Variants in ATRX observed in about 807,000 individuals in gnomAD.
ATRX encodes the protein ATRX chromatin remodeler, also known as chromatin remodeler ATRX.
ATRX carries 12 observed loss-of-function variants against 172.6 expected under a neutral mutation model. The observed-to-expected ratio is 0.07, with a 90% CI of 0.04 to 0.11. ATRX has a LOEUF of 0.11. Among genes scored for constraint, ATRX ranks in the 10% least tolerant of loss-of-function variants. The pLI is 1.00. For synonymous variants in ATRX, 674 were observed against 594.7 expected (o/e 1.13, Z -1.94); for missense variants, 1,368 against 1,767.4 (o/e 0.77, Z 4.05).
chrX:77,646,212 A>G (rs916226108), intron 15 of ATRX, among the ~76,000 whole-genome samples: 1 of 112,014 alleles, frequency 8.9e-6, no homozygotes, highest in Non-Finnish European at 1.9e-5. Context: ...CTGGTTATCT[A>G]AAAAAGGTTC....
chrX:77,527,308 T>A (rs2063413663), intron 30 of ATRX, among the ~76,000 whole-genome samples: 2 of 111,238 alleles, frequency 1.8e-5, no homozygotes, highest in South Asian at 7.7e-4. Context: ...ATATCCAGGT[T>A]CTCACATTGG....
In ATRX at chrX:77,549,099, C is replaced by A. The variant is rs1033624980; in HGVS notation, c.6699+8352G>T. ...CACTTAAGCATATTATAAAATATAA[C>A]CTTGGCTGCAGGTGGTGACTCATGC... On this transcript the variant is annotated intron_variant, in intron 30 of 34. Coordinates refer to ENST00000373344, the MANE Select transcript of ATRX (RefSeq NM_000489.6). Among the ~76,000 whole-genome samples the A allele has an allele frequency of 3.6e-5, 4 of 111,848 alleles. No individual in the cohort carries two copies. The Admixed American group carries it at 3.8e-4, about 11-fold the overall frequency.
At chrX:77,630,667 G>T (rs1291186154) in intron 19 of ATRX, among the ~76,000 whole-genome samples, 1 of 111,851 alleles carries the variant, frequency 8.9e-6, no homozygotes, top group Non-Finnish European at 1.9e-5. Flanking sequence ...AATGGTGTTA[G>T]AACAACTGGA....
chrX:77,765,944 C>A (rs1277017410), intron 1 of ATRX, among the ~76,000 whole-genome samples: 1 of 109,506 alleles, frequency 9.1e-6, no homozygotes, highest in Non-Finnish European at 1.9e-5. Context: ...ACATCTTGCA[C>A]CGCCCTTAAT....
At chrX:77,632,767 G>T (rs782758947) in intron 19 of ATRX, among the ~76,000 whole-genome samples, 60 of 111,963 alleles carry the variant, frequency 5.4e-4, no homozygotes, top group African/African-American at 1.9e-3. Flanking sequence ...AGGATCAACA[G>T]TATTGAAAAT....
At chrX:77,779,753 C>T (rs1430923955) in intron 1 of ATRX, among the ~76,000 whole-genome samples, 1 of 112,065 alleles carries the variant, frequency 8.9e-6, no homozygotes, top group Non-Finnish European at 1.9e-5. Context: ...TAAAGCATTC[C>T]CCCAAAATAT....
intron 5 of ATRX, among the ~76,000 whole-genome samples, chrX:77,694,169 T>C (rs1216068554): frequency 8.9e-6 from 1 of 111,857 alleles, no homozygotes; most frequent in Non-Finnish European, 1.9e-5. Flanking sequence ...AGGGAGGTAT[T>C]ATGGAGTGAT....
Position 77,649,629 on chromosome X carries a change from T to C in ATRX, c.4557+2485A>G, listed in dbSNP as rs45439494. ...GTGGGACGGACCCAGTGGGAGGTAA[T>C]TGAATCACGGGGGCAGGTCTTTCCT... On this transcript the variant is annotated intron_variant, in intron 15 of 34. Transcript: ENST00000373344. Among the ~76,000 whole-genome samples, 21 of 111,663 alleles carry C rather than the reference T, an allele frequency of 1.9e-4. No individual in the cohort carries two copies. In the East Asian group the frequency reaches 2.3e-3, roughly 12 times the overall value.
At chrX:77,698,996 A>C in intron 2 of ATRX, 1 of 189,085 alleles carries the variant, frequency 5.3e-6, no homozygotes, top group South Asian at 8.5e-5. Flanking sequence ...ATACTGGGAA[A>C]ATAAGAGCAA....
chrX:77,773,298 T>C (rs977932448), intron 1 of ATRX, among the ~76,000 whole-genome samples: 2 of 109,990 alleles, frequency 1.8e-5, no homozygotes, highest in African/African-American at 3.3e-5. Flanking sequence ...ATCGGGGTGG[T>C]TGGTTTTGAA....
intron 28 of ATRX, among the ~76,000 whole-genome samples, chrX:77,567,709 G>A (rs781788901): frequency 1.8e-5 from 2 of 108,572 alleles, no homozygotes; most frequent in African/African-American, 3.3e-5. Context: ...GAACCTCATC[G>A]AAAAACAAAA....
At chrX:77,756,238 G>A (rs2075487625) in intron 1 of ATRX, among the ~76,000 whole-genome samples, 1 of 111,228 alleles carries the variant, frequency 9.0e-6, no homozygotes, top group Non-Finnish European at 1.9e-5. Flanking sequence ...AGACTGCTGT[G>A]TTGGCAATGA....
At position 77,585,223 on chromosome X, in the gene ATRX, A is replaced by G. The variant is rs782250220; in HGVS notation, c.6217+4611T>C. Among the ~76,000 whole-genome samples, 7 of 110,450 alleles carry G rather than the reference A, an allele frequency of 6.3e-5. No homozygotes were observed. In the South Asian group the frequency reaches 2.7e-3, roughly 43 times the overall value. On this transcript the variant is annotated intron_variant, in intron 27 of 34. Transcript: ENST00000373344. ...GGTGGGAACACAAATTAGTAAAACC[A>G]CTATGGAGAACAGTTCAGAGGTTCC...
chrX:77,569,997 A>C (rs781893590), intron 28 of ATRX, among the ~76,000 whole-genome samples: 40 of 111,859 alleles, frequency 3.6e-4, no homozygotes, highest in Admixed American at 7.6e-4. Flanking sequence ...GAATCATTCA[A>C]TGTGATATTA....
At chrX:77,669,758 G>C (rs1309451050) in intron 10 of ATRX, among the ~76,000 whole-genome samples, 1 of 111,197 alleles carries the variant, frequency 9.0e-6, no homozygotes, top group Admixed American at 9.6e-5. Context: ...GAATGTAGTG[G>C]CACAAACACA....
At position 77,753,051 on chromosome X, in the gene ATRX, C is replaced by T. The variant is rs34060427; in HGVS notation, c.20+32931G>A. On this transcript the variant is annotated intron_variant, in intron 1 of 34. Coordinates refer to ENST00000373344, the MANE Select transcript of ATRX (RefSeq NM_000489.6). ...AGTTTCAGAGGGAATGGTACCAGCT[C>T]CTCTTTGTACCTCTGGTATCATTCG... Among the ~76,000 whole-genome samples the T allele has an allele frequency of 7.1e-4, 79 of 111,277 alleles. 2 individuals are homozygous for T. In the South Asian group the frequency reaches 0.026, roughly 37 times the overall value.
intron 2 of ATRX, among the ~76,000 whole-genome samples, chrX:77,713,876 A>G (rs782285619): frequency 8.9e-6 from 1 of 111,888 alleles, no homozygotes; most frequent in South Asian, 3.7e-4. Context: ...ATGTGATGAC[A>G]TATCACTCCC....
In ATRX at chrX:77,508,646, G is replaced by C; in HGVS notation, c.7201-17C>G. 1 of 1,210,626 alleles carries C rather than the reference G, an allele frequency of 8.3e-7. No individual in the cohort carries two copies. The highest frequency in any genetic ancestry group is 1.1e-6 in the Non-Finnish European group (1 of 894,864). On this transcript the variant is annotated splice_polypyrimidine_tract_variant and intron_variant, in intron 34 of 34. Transcript: ENST00000373344. The stretch of plus-strand genomic sequence containing the variant: ...GCTGATTAACTATAGAGAAAAAATG[G>C]GAGTCATTACAAGTGCATGACCTGT...
intron 14 of ATRX, 99 bp downstream of exon 14, chrX:77,653,999 T>G: frequency 1.4e-6 from 1 of 699,473 alleles, no homozygotes; most frequent in Non-Finnish European, 2.3e-6. Context: ...AATAAGCCAG[T>G]ACAATACAAT....
Sources: gnomAD v4.1 joint callset for allele counts (sites outside exome capture counted in the v4.1 genomes callset) on GRCh38, gnomAD v4.1.1 for gene constraint, MANE v1.5 for transcripts, NCBI Gene and HGNC (gene_info 2026-07-23, HGNC 2026-07-21) for gene names.